TBC1D22A: variants seen among roughly 807,000 people sequenced by gnomAD.
TBC1D22A encodes the protein putative GTPase activator.
In TBC1D22A, 38 loss-of-function variants were observed where a neutral mutation model predicts 60.2. The ratio of observed to expected loss-of-function variants is 0.63; its 90% CI spans 0.49 to 0.83. The LOEUF (loss-of-function observed/expected upper bound fraction) is 0.83, where lower values mean the gene tolerates loss of function less well. TBC1D22A is among the 40% of genes least tolerant of loss of function. The pLI is 0.00. For synonymous variants in TBC1D22A, 302 were observed against 281.7 expected (o/e 1.07, Z -0.72); for missense variants, 628 against 701.0 (o/e 0.90, Z 1.18).
intron 8 of TBC1D22A, among the ~76,000 whole-genome samples, chr22:46,973,958 A>G (rs1045480637): frequency 1.3e-5 from 2 of 152,224 alleles, no homozygotes; most frequent in African/African-American, 4.8e-5. Flanking sequence ...CTTAGGAAAA[A>G]ACTTTCAGAT....
At chr22:46,987,733 A>C (rs2074781894) in intron 9 of TBC1D22A, among the ~76,000 whole-genome samples, 2 of 152,224 alleles carry the variant, frequency 1.3e-5, no homozygotes, top group Non-Finnish European at 2.9e-5. Flanking sequence ...TCTCGTCTTG[A>C]CAGCTGCAGA....
chr22:47,111,050 G>T (rs943674886), intron 11 of TBC1D22A, among the ~76,000 whole-genome samples: 1 of 152,204 alleles, frequency 6.6e-6, no homozygotes, highest in Non-Finnish European at 1.5e-5. Context: ...GACCCGGACC[G>T]GGTTGTGGTC....
intron 12 of TBC1D22A, among the ~76,000 whole-genome samples, chr22:47,162,351 G>A (rs2068017107): frequency 6.6e-6 from 1 of 152,010 alleles, no homozygotes; most frequent in South Asian, 2.1e-4. Flanking sequence ...TTCACTTTGT[G>A]CGTTCAATCT....
chr22:47,128,511 G>C (rs2066570999), intron 12 of TBC1D22A, among the ~76,000 whole-genome samples: 1 of 148,764 alleles, frequency 6.7e-6, no homozygotes, highest in African/African-American at 2.5e-5. Context: ...GCTGATCCCA[G>C]GTGTGCTGTG....
At chr22:46,958,891 C>T (rs2073348637) in intron 8 of TBC1D22A, among the ~76,000 whole-genome samples, 1 of 152,230 alleles carries the variant, frequency 6.6e-6, no homozygotes, top group Admixed American at 6.5e-5. Flanking sequence ...TTCTCATTGT[C>T]TGAGTACCTT....
chr22:47,171,205 C>T (rs1267124566), intron 12 of TBC1D22A, among the ~76,000 whole-genome samples: 2 of 152,190 alleles, frequency 1.3e-5, no homozygotes, highest in Admixed American at 6.5e-5. Context: ...ACTTCAGAGC[C>T]CAGCTACCCC....
chr22:47,046,619 G>A (rs1238127965), intron 11 of TBC1D22A, among the ~76,000 whole-genome samples: 1 of 152,200 alleles, frequency 6.6e-6, no homozygotes, highest in African/African-American at 2.4e-5. Context: ...TGGTCTTTGT[G>A]GGACTGGGAT....
intron 8 of TBC1D22A, chr22:46,915,674 G>A (rs1007028993): frequency 2.2e-6 from 1 of 456,692 alleles, no homozygotes; most frequent in Non-Finnish European, 4.4e-6. Context: ...TTTCTCCAGG[G>A]GCTTTCAGGC....
At chr22:46,946,447 T>C (rs1181335688) in intron 8 of TBC1D22A, among the ~76,000 whole-genome samples, 1 of 152,198 alleles carries the variant, frequency 6.6e-6, no homozygotes, top group African/African-American at 2.4e-5. Context: ...CTCCTTCTTG[T>C]CTAAAGGGTG....
intron 11 of TBC1D22A, among the ~76,000 whole-genome samples, chr22:47,048,439 T>C (rs2063099964): frequency 1.3e-5 from 2 of 152,120 alleles, no homozygotes; most frequent in Non-Finnish European, 2.9e-5. Context: ...GAGACGGTGC[T>C]CAGGAGTCTC....
At chr22:46,816,001 C>T (rs2085582006) in intron 4 of TBC1D22A, among the ~76,000 whole-genome samples, 1 of 152,166 alleles carries the variant, frequency 6.6e-6, no homozygotes, top group South Asian at 2.1e-4. Context: ...GAACGAGAAG[C>T]AGATTGGATT....
At chr22:47,173,383 A>C in intron 12 of TBC1D22A, 115 bp from the exon 13 acceptor site, 2 of 1,413,622 alleles carry the variant, frequency 1.4e-6, no homozygotes, top group East Asian at 4.6e-5. Context: ...CCCGCCCTGC[A>C]CCGTGGGTCA....
intron 8 of TBC1D22A, among the ~76,000 whole-genome samples, chr22:46,964,572 C>T (rs2148074095): frequency 6.6e-6 from 1 of 152,182 alleles, no homozygotes; most frequent in Admixed American, 6.5e-5. Context: ...TCTTAGTTTG[C>T]CTTGGCTTTG....
chr22:46,790,550 T>A (rs1432440907), intron 1 of TBC1D22A, among the ~76,000 whole-genome samples: 1 of 152,184 alleles, frequency 6.6e-6, no homozygotes, highest in Non-Finnish European at 1.5e-5. Context: ...ACAAGGTTTT[T>A]TTTTACAAAG....
Position 47,036,997 on chromosome 22 carries a change from G to A in TBC1D22A, c.1202-74G>A, listed in dbSNP as rs1364822668. 17 of 1,594,720 alleles carry A rather than the reference G, an allele frequency of 1.1e-5. No homozygotes were observed. In the African/African-American group the frequency reaches 1.6e-4, roughly 15 times the overall value. On this transcript the variant is annotated intron_variant, in intron 10 of 12. Transcript: ENST00000337137. ...CTGAGGCGGGCGCAGGCCCTTGGGG[G>A]ACAAGTGACCTGGCTGCCAGTGCCT...
chr22:46,930,998 A>G (rs995532386), intron 8 of TBC1D22A, among the ~76,000 whole-genome samples: 8 of 152,218 alleles, frequency 5.3e-5, no homozygotes, highest in African/African-American at 1.9e-4. Flanking sequence ...AAGAAGGGAT[A>G]TAGAGAGGTT....
intron 8 of TBC1D22A, among the ~76,000 whole-genome samples, chr22:46,938,066 GCA>G (rs2071762065): frequency 1.3e-5 from 2 of 152,164 alleles, no homozygotes; most frequent in South Asian, 4.1e-4. Context: ...TGGCCTAAGT[GCA>G]CAGTGCTCGT....
intron 8 of TBC1D22A, chr22:46,913,343 G>A (rs1445482456): frequency 2.4e-5 from 33 of 1,366,402 alleles, no homozygotes; most frequent in Non-Finnish European, 3.2e-5. Context: ...GCCTTTCCAG[G>A]TTGTGGTCGG....
chr22:47,133,093 G>A (rs966098018), intron 12 of TBC1D22A, among the ~76,000 whole-genome samples: 13 of 152,250 alleles, frequency 8.5e-5, no homozygotes, highest in African/African-American at 2.9e-4. Flanking sequence ...CCTGTAAAAT[G>A]TAACAGCCTA....
Sources: allele counts gnomAD v4.1 joint callset (sites outside exome capture counted in the v4.1 genomes callset), GRCh38; gene constraint gnomAD v4.1.1; transcripts MANE v1.5; gene names NCBI Gene and HGNC (gene_info 2026-07-23, HGNC 2026-07-21).